The following MTAP variants were observed in gnomAD, a reference collection of about 807,000 sequenced individuals.
MTAP encodes S-methyl-5'-thioadenosine phosphorylase.
A neutral mutation model predicts 33.6 loss-of-function variants in MTAP; 33 were observed. That is an observed-to-expected ratio of 0.98 (90% CI 0.74 to 1.31). The LOEUF is 1.31. Ranked by LOEUF, MTAP falls within the 40% of genes most tolerant of loss-of-function variation. The pLI is 0.00. For missense variants in MTAP, 367 were observed against 360.0 expected (o/e 1.02, Z -0.16); for synonymous variants, 148 against 125.7 (o/e 1.18, Z -1.19).
intron 1 of MTAP, among the ~76,000 whole-genome samples, chr9:21,884,243 G>C (rs1050383141): frequency 2.0e-5 from 3 of 152,138 alleles, no homozygotes; most frequent in African/African-American, 4.8e-5. Flanking sequence ...ATGAATTTGT[G>C]TTGGATACAC....
intron 4 of MTAP, among the ~76,000 whole-genome samples, chr9:21,826,801 T>TG (rs1443626354): frequency 6.6e-6 from 1 of 152,070 alleles, no homozygotes; most frequent in Non-Finnish European, 1.5e-5. Context: ...CCCACCCCTG[T>TG]GGCTTGTTAG....
intron 1 of MTAP, 47 bp from the exon 2 acceptor site, chr9:21,815,386 T>TA: frequency 7.7e-7 from 1 of 1,306,440 alleles, no homozygotes; most frequent in Non-Finnish European, 1.1e-6. Context: ...TTATTTCTAA[T>TA]AAAAATTACC....
intron 1 of MTAP, among the ~76,000 whole-genome samples, chr9:21,814,694 C>T (rs1442284479): frequency 7.2e-5 from 11 of 151,992 alleles, no homozygotes; most frequent in Non-Finnish European, 1.2e-4. Context: ...CAATACAATG[C>T]ATGAACTTAA....
At chr9:21,925,387 C>A (rs1194989824) in intron 1 of MTAP, among the ~76,000 whole-genome samples, 2 of 152,166 alleles carry the variant, frequency 1.3e-5, no homozygotes, top group Admixed American at 1.3e-4. Context: ...ACCCCAAAAC[C>A]CTTATGCCTG....
At chr9:21,894,688 A>G (rs1037068839) in intron 1 of MTAP, among the ~76,000 whole-genome samples, 15 of 151,970 alleles carry the variant, frequency 9.9e-5, no homozygotes, top group Non-Finnish European at 1.8e-4. Flanking sequence ...TGGCACATGT[A>G]TACATATGTA....
chr9:21,830,820 T>G (rs1030195753), intron 4 of MTAP, among the ~76,000 whole-genome samples: 2 of 152,222 alleles, frequency 1.3e-5, no homozygotes, highest in African/African-American at 4.8e-5. Flanking sequence ...TATGCATCAC[T>G]GGGCCTTTGC....
At chr9:21,846,933 C>A (rs1342883395) in intron 5 of MTAP, among the ~76,000 whole-genome samples, 1 of 152,090 alleles carries the variant, frequency 6.6e-6, no homozygotes, top group East Asian at 1.9e-4. Flanking sequence ...TTGAAGGATA[C>A]AGAGTATTGA....
intron 4 of MTAP, among the ~76,000 whole-genome samples, chr9:21,821,335 G>T (rs1295472289): frequency 2.0e-5 from 3 of 152,182 alleles, no homozygotes; most frequent in Non-Finnish European, 4.4e-5. Flanking sequence ...TTAGCATGAA[G>T]GGCTGTTGAA....
rs1006918061 is a variant in MTAP, at chr9:21,863,771, G to A, written c.*1757G>A. 1 of 985,830 alleles carries A rather than the reference G, an allele frequency of 1.0e-6. No homozygotes were observed. Among genetic ancestry groups the A allele is most frequent in the Middle Eastern group, 5.2e-4 (1 of 1,914 alleles). 61.1% of individuals were successfully genotyped at this position (985,830 alleles called of 1,614,324 possible). On this transcript the variant is annotated 3_prime_UTR_variant, in exon 8 of 8. Coordinates refer to ENST00000644715, the MANE Select transcript of MTAP (RefSeq NM_002451.4). Reference sequence around the variant, plus strand: ...ACAGAACCTTTTATTTAAAGAGTTTGTAAAGTCAATGTGTTTGTTTGTGTC... The same window carrying A: ...ACAGAACCTTTTATTTAAAGAGTTTATAAAGTCAATGTGTTTGTTTGTGTC...
chr9:21,893,490 G>C (rs1025094737), intron 1 of MTAP: 3 of 152,002 alleles, frequency 2.0e-5, no homozygotes, highest in Admixed American at 6.6e-5. Flanking sequence ...AAATAAATAA[G>C]ATTGAAAGAG....
At chr9:21,816,920 T>G in intron 3 of MTAP, 148 bp downstream of exon 3, 1 of 663,828 alleles carries the variant, frequency 1.5e-6, no homozygotes, top group Non-Finnish European at 2.4e-6. Flanking sequence ...AATGTTTTAT[T>G]TTTGGTTAAG....
chr9:21,837,988 C>A lies in MTAP; in HGVS notation c.428C>A (p.Pro143Gln). The change falls in exon 5 of 8, where the codon CCG (proline) becomes CAG (glutamine). Residue 143 changes from proline (P) to glutamine (Q), a missense_variant. Coordinates refer to ENST00000644715, the MANE Select transcript of MTAP (RefSeq NM_002451.4). ...RGVCHIPMAEPFCPKTREVLI... is the reference protein window; with the variant it reads ...RGVCHIPMAEQFCPKTREVLI... ...GTGTGCCATATTCCAATGGCTGAGC[C>A]GTTTTGCCCCAAAACGAGAGAGGTG... The A allele has an allele frequency of 6.2e-7, 1 of 1,613,968 alleles. No individual in the cohort carries two copies. Among genetic ancestry groups the A allele is most frequent in the Non-Finnish European group, 8.5e-7 (1 of 1,179,922 alleles).
At chr9:21,825,087 C>T (rs1458756257) in intron 4 of MTAP, among the ~76,000 whole-genome samples, 4 of 152,128 alleles carry the variant, frequency 2.6e-5, no homozygotes, top group South Asian at 4.2e-4. Flanking sequence ...GGCTCACACT[C>T]GATGGGCTGC....
At chr9:21,821,909 A>G (rs1257268136) in intron 4 of MTAP, among the ~76,000 whole-genome samples, 1 of 152,106 alleles carries the variant, frequency 6.6e-6, no homozygotes, top group Non-Finnish European at 1.5e-5. Flanking sequence ...TTTCTAGTTT[A>G]TTTGCATAGA....
At position 21,860,533 on chromosome 9, in the gene MTAP, T is replaced by C. The variant is rs182345538; in HGVS notation, c.813+1108T>C. On this transcript the variant is annotated intron_variant, in intron 7 of 7. Coordinates refer to ENST00000644715, the MANE Select transcript of MTAP (RefSeq NM_002451.4). ...TAGGACCTAAATGTTATTTAATGAA[T>C]AAATGATACTCCTTTCCCCCATGAA... 19 of 152,330 alleles carry C rather than the reference T, an allele frequency of 1.2e-4. No individual in the cohort carries two copies. The East Asian group carries it at 3.7e-3, about 29-fold the overall frequency. 9.4% of individuals were successfully genotyped at this position (152,330 alleles called of 1,614,324 possible).
chr9:21,818,414 G>C (rs1285720228), intron 4 of MTAP, among the ~76,000 whole-genome samples: 1 of 126,246 alleles, frequency 7.9e-6, no homozygotes, highest in Non-Finnish European at 1.6e-5. Context: ...TGAAACCTCC[G>C]CCTCCCAGGT....
chr9:21,862,184 T>C lies in MTAP; in HGVS notation c.*170T>C, dbSNP rs1221315321. On this transcript the variant is annotated 3_prime_UTR_variant, in exon 8 of 8. Coordinates refer to ENST00000644715, the MANE Select transcript of MTAP (RefSeq NM_002451.4). ...ATTGTGTGTATTAGAGACTCCTGAA[T>C]GATTTAGACAACTTCAAAATACAGA... 84 of 1,387,312 alleles carry C rather than the reference T, an allele frequency of 6.1e-5. No individual in the cohort carries two copies. The highest frequency in any genetic ancestry group is 7.8e-5 in the Non-Finnish European group (83 of 1,069,204). The allele number at this position is 1,387,312 out of a possible 1,614,324, so 85.9% of individuals were successfully genotyped here. A position where few individuals can be genotyped will look rare whatever the true frequency, so the allele number is the denominator to read the frequency against.
At position 21,862,265 on chromosome 9, in the gene MTAP, A is replaced by G. The variant is rs896322861; in HGVS notation, c.*251A>G. On this transcript the variant is annotated 3_prime_UTR_variant, in exon 8 of 8. Coordinates refer to ENST00000644715, the MANE Select transcript of MTAP (RefSeq NM_002451.4). Reference sequence around the variant, plus strand: ...AAAAAATATTACATTTTAAGGGGGAAAAAAAAACCCACCATTCTCTTCTCC... The same window carrying G: ...AAAAAATATTACATTTTAAGGGGGAGAAAAAAACCCACCATTCTCTTCTCC... 53 of 905,990 alleles carry G rather than the reference A, an allele frequency of 5.8e-5. No homozygotes were observed. The highest frequency in any genetic ancestry group is 6.9e-5 in the Non-Finnish European group (48 of 690,928). The allele number at this position is 905,990 out of a possible 1,614,324, so 56.1% of individuals were successfully genotyped here. A position where few individuals can be genotyped will look rare whatever the true frequency, so the allele number is the denominator to read the frequency against.
In MTAP at chr9:21,879,644, A is replaced by G. The variant is rs375050166; in HGVS notation, c.147+24774A>G. 6.8e-4 allele frequency among the ~76,000 whole-genome samples: 104 copies of G among 152,148 alleles called. 1 individual carries two copies. The highest frequency in any genetic ancestry group is 2.3e-3 in the African/African-American group (94 of 41,542). On this transcript the variant is annotated intron_variant, in intron 1 of 1. Transcript: ENST00000577563. Reference sequence around the variant, plus strand: ...GCTTGTGTGACTGCTTTATAGTGTCATTGGTACTTAAATGTGTTTTTGTAA... The same window carrying G: ...GCTTGTGTGACTGCTTTATAGTGTCGTTGGTACTTAAATGTGTTTTTGTAA...
Sources: gnomAD v4.1 joint callset for allele counts (sites outside exome capture counted in the v4.1 genomes callset) on GRCh38, gnomAD v4.1.1 for gene constraint, MANE v1.5 for transcripts, NCBI Gene and HGNC (gene_info 2026-07-23, HGNC 2026-07-21) for gene names.